Variants in SLC35F4 observed in about 807,000 individuals in gnomAD.
SLC35F4 encodes the protein chromosome 14 open reading frame 36.
In SLC35F4, 24 loss-of-function variants were observed where a neutral mutation model predicts 44.2. The observed-to-expected ratio is 0.54, with a 90% CI of 0.39 to 0.76. The LOEUF (loss-of-function observed/expected upper bound fraction) is 0.76, where lower values mean the gene tolerates loss of function less well. Ranked by LOEUF, SLC35F4 falls within the 30% of genes least tolerant of loss-of-function variation. SLC35F4 has a pLI of 0.00. For missense variants in SLC35F4, 562 were observed against 586.1 expected, an observed-to-expected ratio of 0.96 and a Z score of 0.42; for synonymous variants, 238 against 223.6, an observed-to-expected ratio of 1.06 and a Z score of -0.57.
At chr14:57,733,113 T>G (rs1454201522) in intron 1 of SLC35F4, among the ~76,000 whole-genome samples, 1 of 152,182 alleles carries the variant, frequency 6.6e-6, no homozygotes, top group Admixed American at 6.5e-5. Flanking sequence ...TGTGCTGCTT[T>G]GCCTTTGCTA....
At chr14:57,570,341 A>T (rs555080554) in intron 5 of SLC35F4, among the ~76,000 whole-genome samples, 1 of 152,180 alleles carries the variant, frequency 6.6e-6, no homozygotes. Context: ...AACTTAAAGC[A>T]TGGGATTTGT....
chr14:57,956,349 C>CA (rs1890237295), intron 1 of SLC35F4, among the ~76,000 whole-genome samples: 2 of 152,152 alleles, frequency 1.3e-5, no homozygotes, highest in Non-Finnish European at 1.5e-5. Context: ...AGAAGAAAAC[C>CA]TAGGCAATAC....
At chr14:57,945,103 C>T (rs1889999115) in intron 1 of SLC35F4, among the ~76,000 whole-genome samples, 1 of 152,176 alleles carries the variant, frequency 6.6e-6, no homozygotes, top group East Asian at 1.9e-4. Flanking sequence ...TTTACTATGG[C>T]ATGCATATTC....
At chr14:57,590,749 A>T (rs1475033714) in intron 2 of SLC35F4, among the ~76,000 whole-genome samples, 1 of 152,000 alleles carries the variant, frequency 6.6e-6, no homozygotes, top group Non-Finnish European at 1.5e-5. Flanking sequence ...GTCTCCAAAG[A>T]CCCCACTTAA....
At chr14:57,569,281 T>C (rs1367415937) in intron 6 of SLC35F4, among the ~76,000 whole-genome samples, 1 of 152,170 alleles carries the variant, frequency 6.6e-6, no homozygotes, top group Non-Finnish European at 1.5e-5. Context: ...CTAAGTGGAC[T>C]TTAAATCCAA....
At chr14:57,703,028 A>G (rs894979318) in intron 1 of SLC35F4, among the ~76,000 whole-genome samples, 20 of 151,468 alleles carry the variant, frequency 1.3e-4, no homozygotes, top group African/African-American at 4.4e-4. Context: ...GATTTTGCAC[A>G]CATAAATATA....
chr14:57,826,556 C>T (rs1250148912), intron 1 of SLC35F4, among the ~76,000 whole-genome samples: 2 of 151,916 alleles, frequency 1.3e-5, no homozygotes, highest in African/African-American at 2.4e-5. Context: ...AAGAAACTAT[C>T]ATCAGAGTAA....
chr14:57,649,430 T>G (rs1380629640), intron 1 of SLC35F4, among the ~76,000 whole-genome samples: 1 of 152,146 alleles, frequency 6.6e-6, no homozygotes, highest in Non-Finnish European at 1.5e-5. Context: ...TGCTTTTGTC[T>G]TCACATCTCC....
chr14:57,860,651 C>T (rs754302234), intron 1 of SLC35F4, among the ~76,000 whole-genome samples: 1 of 152,138 alleles, frequency 6.6e-6, no homozygotes, highest in Non-Finnish European at 1.5e-5. Flanking sequence ...AAAAAGAATA[C>T]TCACCCCAAA....
At chr14:57,748,414 T>A (rs1343431802) in intron 1 of SLC35F4, among the ~76,000 whole-genome samples, 1 of 152,078 alleles carries the variant, frequency 6.6e-6, no homozygotes, top group Non-Finnish European at 1.5e-5. Context: ...ACTACCCTTT[T>A]ATAGCTACAG....
At chr14:57,602,182 G>A (rs2139988573) in intron 1 of SLC35F4, among the ~76,000 whole-genome samples, 1 of 150,006 alleles carries the variant, frequency 6.7e-6, no homozygotes, top group African/African-American at 2.4e-5. Flanking sequence ...AAAAAAAAAT[G>A]CTTCATAGAG....
chr14:57,845,125 A>G (rs902723930), intron 1 of SLC35F4, among the ~76,000 whole-genome samples: 3 of 152,214 alleles, frequency 2.0e-5, no homozygotes, highest in African/African-American at 4.8e-5. Flanking sequence ...ACAAAGTGAA[A>G]GTTTATTACC....
At chr14:57,778,014 T>C (rs1443087467) in intron 1 of SLC35F4, among the ~76,000 whole-genome samples, 1 of 152,188 alleles carries the variant, frequency 6.6e-6, no homozygotes. Flanking sequence ...AATTCCCACA[T>C]GTCATGGGAA....
At chr14:57,879,992 A>G (rs573645646) in intron 1 of SLC35F4, among the ~76,000 whole-genome samples, 2 of 149,066 alleles carry the variant, frequency 1.3e-5, no homozygotes. Context: ...GGAAGGAAGG[A>G]AGGAAGGAAA....
At chr14:57,819,343 A>G in intron 1 of SLC35F4, among the ~76,000 whole-genome samples, 1 of 152,152 alleles carries the variant, frequency 6.6e-6, no homozygotes, top group Non-Finnish European at 1.5e-5. Context: ...ATATATAAAT[A>G]GATACACAAT....
intron 1 of SLC35F4, among the ~76,000 whole-genome samples, chr14:57,846,161 T>A (rs930601089): frequency 6.6e-6 from 1 of 152,106 alleles, no homozygotes. Context: ...ATAATCTGCC[T>A]CAACTAAAAT....
At chr14:57,968,838 T>C (rs772689931) in intron 1 of SLC35F4, among the ~76,000 whole-genome samples, 1 of 152,186 alleles carries the variant, frequency 6.6e-6, no homozygotes, top group Non-Finnish European at 1.5e-5. Context: ...TATTATCAAG[T>C]GTAAAGATGA....
chr14:57,663,938 T>G (rs538825814), intron 1 of SLC35F4, among the ~76,000 whole-genome samples: 1 of 152,258 alleles, frequency 6.6e-6, no homozygotes, highest in Non-Finnish European at 1.5e-5. Context: ...TTTTTTTGAA[T>G]TGGTGGCCAA....
At chr14:57,664,056 A>C (rs2074228668) in intron 1 of SLC35F4, among the ~76,000 whole-genome samples, 1 of 152,170 alleles carries the variant, frequency 6.6e-6, no homozygotes, top group Non-Finnish European at 1.5e-5. Flanking sequence ...GAATATTAAT[A>C]AACTCTGATG....
Sources: allele counts gnomAD v4.1 joint callset (sites outside exome capture counted in the v4.1 genomes callset), GRCh38; gene constraint gnomAD v4.1.1; transcripts MANE v1.5; gene names NCBI Gene and HGNC (gene_info 2026-07-23, HGNC 2026-07-21).